The following DAZAP1 variants were observed in gnomAD, a reference collection of about 807,000 sequenced individuals.
DAZAP1 encodes the protein DAZ associated protein 1.
In DAZAP1, 6 loss-of-function variants were observed where a neutral mutation model predicts 60.1. That is an observed-to-expected ratio of 0.10 (90% CI 0.05 to 0.20). The LOEUF (loss-of-function observed/expected upper bound fraction) is 0.20, where lower values mean the gene tolerates loss of function less well. DAZAP1 is among the 10% of genes least tolerant of loss of function. The pLI, the probability that DAZAP1 is intolerant of heterozygous loss-of-function variation, is 1.00. For synonymous variants in DAZAP1, 235 were observed against 215.9 expected, an observed-to-expected ratio of 1.09 and a Z score of -0.78; for missense variants, 366 against 560.4, an observed-to-expected ratio of 0.65 and a Z score of 3.50.
intron 1 of DAZAP1, 146 bp from the exon 2 acceptor site, chr19:1,417,354 T>C (rs1193173770): frequency 7.0e-6 from 6 of 853,872 alleles, no homozygotes; most frequent in South Asian, 5.9e-5. Context: ...TCGCCATTGC[T>C]GTGAGCTTTG....
At chr19:1,430,036 C>T (rs2083404087) in intron 9 of DAZAP1, 40 bp downstream of exon 9, 1 of 1,578,172 alleles carries the variant, frequency 6.3e-7, no homozygotes. Context: ...GGACAGAAGC[C>T]ACATGGCAGG....
chr19:1,411,098 A>G (rs2082817257), intron 1 of DAZAP1, among the ~76,000 whole-genome samples: 1 of 152,198 alleles, frequency 6.6e-6, no homozygotes, highest in African/African-American at 2.4e-5. Flanking sequence ...GCACCTGGCA[A>G]GATTGTTGGT....
At chr19:1,408,211 G>T (rs2082720976) in intron 1 of DAZAP1, among the ~76,000 whole-genome samples, 1 of 152,122 alleles carries the variant, frequency 6.6e-6, no homozygotes, top group Non-Finnish European at 1.5e-5. Context: ...AGGGGCCCCC[G>T]CCGCCGCTTC....
In DAZAP1 at chr19:1,432,391, G is replaced by A. The variant is rs549405958; in HGVS notation, c.872-123G>A. 3.7e-5 allele frequency: 37 copies of A among 1,000,848 alleles called. 1 individual carries two copies. The East Asian group carries it at 6.9e-4, about 19-fold the overall frequency. The allele number at this position is 1,000,848 out of a possible 1,614,324, so 62.0% of individuals were successfully genotyped here. A position where few individuals can be genotyped will look rare whatever the true frequency, so the allele number is the denominator to read the frequency against. Reference sequence around the variant, plus strand: ...CTGTGGATGTCCACAAGGCCTGGGCGTTCTGTGGGTTTGGGTGGCAGTCCC... The same window carrying A: ...CTGTGGATGTCCACAAGGCCTGGGCATTCTGTGGGTTTGGGTGGCAGTCCC... On this transcript the variant is annotated intron_variant, in intron 10 of 11. Transcript: ENST00000233078. This position sits in a 1 kb window ranked among gnomAD's most constrained non-coding sequence, Gnocchi z 4.9.
rs531714893 is a variant in DAZAP1, at chr19:1,434,476, G to A, written c.1049-261G>A. On this transcript the variant is annotated intron_variant, in intron 11 of 11. Coordinates refer to ENST00000233078, the MANE Select transcript of DAZAP1 (RefSeq NM_018959.4). The surrounding 1 kb of genome is among the most constrained non-coding windows in gnomAD (Gnocchi z 8.0). ...CACGTCTTCGGGATTGAACAGGGAAGCGGTGAGGTTACGTGGGCCATGGAG... is the reference window on the plus strand; with the variant it reads ...CACGTCTTCGGGATTGAACAGGGAAACGGTGAGGTTACGTGGGCCATGGAG... 540 of 441,716 alleles carry A rather than the reference G, an allele frequency of 1.2e-3. 1 individual carries two copies. The highest frequency in any genetic ancestry group is 6.8e-3 in the Middle Eastern group (11 of 1,628). 27.4% of individuals were successfully genotyped at this position (441,716 alleles called of 1,614,324 possible).
intron 1 of DAZAP1, chr19:1,415,794 C>G (rs1332283658): frequency 1.3e-5 from 2 of 152,164 alleles, no homozygotes; most frequent in African/African-American, 4.8e-5. Context: ...TTTGCCTTTT[C>G]AGATCTCGTC....
At position 1,430,254 on chromosome 19, in the gene DAZAP1, G is replaced by GGGGCCCC; in HGVS notation, c.763_764insGGGCCCC (p.Ala255GlyfsTer174). On this transcript the variant is annotated frameshift_variant, in exon 10 of 12. Coordinates refer to ENST00000233078, the MANE Select transcript of DAZAP1 (RefSeq NM_018959.4). LOFTEE classifies it high-confidence loss of function. ...TGGACCGCCCCCTGCAGGAAGAGGAGCCCCCCCGCCACCCCCACCGTTCAC... is the reference window on the plus strand; with the variant it reads ...TGGACCGCCCCCTGCAGGAAGAGGAGGGGCCCCCCCCCCCGCCACCCCCACCGTTCAC... 7 of 1,295,256 alleles carry GGGGCCCC rather than the reference G, an allele frequency of 5.4e-6. No homozygotes were observed. Among genetic ancestry groups the GGGGCCCC allele is most frequent in the Non-Finnish European group, 5.4e-6 (5 of 924,064 alleles). 80.2% of individuals were successfully genotyped at this position (1,295,256 alleles called of 1,614,324 possible).
At chr19:1,431,160 ACT>A (rs1165297761) in intron 10 of DAZAP1, among the ~76,000 whole-genome samples, 1 of 150,320 alleles carries the variant, frequency 6.7e-6, no homozygotes, top group Non-Finnish European at 1.5e-5. Context: ...ATGGAGTCTC[ACT>A]CTGTCGCCCA....
At chr19:1,414,473 G>A (rs768289690) in intron 1 of DAZAP1, among the ~76,000 whole-genome samples, 1 of 152,110 alleles carries the variant, frequency 6.6e-6, no homozygotes, top group Non-Finnish European at 1.5e-5. Flanking sequence ...GTGGCCGGGC[G>A]CAGCTACTCA....
chr19:1,411,394 G>A (rs1417214423), intron 1 of DAZAP1, among the ~76,000 whole-genome samples: 1 of 152,232 alleles, frequency 6.6e-6, no homozygotes, highest in East Asian at 1.9e-4. Flanking sequence ...GTCCTGCTGG[G>A]GGGAGAGCCA....
At chr19:1,412,702 G>A (rs921861269) in intron 1 of DAZAP1, among the ~76,000 whole-genome samples, 6 of 152,226 alleles carry the variant, frequency 3.9e-5, no homozygotes, top group African/African-American at 1.2e-4. Flanking sequence ...ACAGGCACCC[G>A]AATGGCACGC....
intron 7 of DAZAP1, chr19:1,427,730 C>A (rs950685617): frequency 1.1e-4 from 16 of 152,256 alleles, no homozygotes; most frequent in Admixed American, 5.9e-4. Flanking sequence ...CTTGAGCTAA[C>A]GGATCCTGTT....
Position 1,415,583 on chromosome 19 carries a change from G to GGGCACAGCCTATGGAGAGTGA in DAZAP1, c.30-1890_30-1870dup, listed in dbSNP as rs537527171. On this transcript the variant is annotated intron_variant, in intron 1 of 11. Transcript: ENST00000233078. ...GGCGGGGCTGGCCCTGACTCAGCGC[G>GGGCACAGCCTATGGAGAGTGA]GGCACAGCCTATGGAGAGTGAGGCA... Among the ~76,000 whole-genome samples, 155 of 151,880 alleles carry GGGCACAGCCTATGGAGAGTGA rather than the reference G, an allele frequency of 1.0e-3. 1 individual carries two copies. Among genetic ancestry groups the GGGCACAGCCTATGGAGAGTGA allele is most frequent in the Admixed American group, 1.8e-3 (28 of 15,270 alleles).
At chr19:1,417,151 G>T in intron 1 of DAZAP1, 1 of 322,086 alleles carries the variant, frequency 3.1e-6, no homozygotes, top group Non-Finnish European at 5.7e-6. Flanking sequence ...ACTCGCAAAA[G>T]CTGTAGGAAA....
At position 1,423,351 on chromosome 19, in the gene DAZAP1, A is replaced by G. The variant is rs540394330; in HGVS notation, c.463+955A>G. Reference sequence around the variant, plus strand: ...ACTTAAGTGTTTCATAGTAAAGTACAGTGATGTTAAGTAAGCTGTTTTTCC... The same window carrying G: ...ACTTAAGTGTTTCATAGTAAAGTACGGTGATGTTAAGTAAGCTGTTTTTCC... On this transcript the variant is annotated intron_variant, in intron 6 of 11. Coordinates refer to ENST00000233078, the MANE Select transcript of DAZAP1 (RefSeq NM_018959.4). The surrounding 1 kb of genome is among the most constrained non-coding windows in gnomAD (Gnocchi z 6.8). Among the ~76,000 whole-genome samples the G allele has an allele frequency of 6.6e-6, 1 of 152,384 alleles. No individual in the cohort carries two copies. Among genetic ancestry groups the G allele is most frequent in the Admixed American group, 6.5e-5 (1 of 15,312 alleles).
Position 1,418,954 on chromosome 19 carries a change from A to T in DAZAP1, c.303+223A>T, listed in dbSNP as rs1484565068. ...CTATCTTAGGGAAAAAAAAAATGAC[A>T]GCTCATGCCACTGATTATCAGGAGC... On this transcript the variant is annotated intron_variant, in intron 4 of 11. Transcript: ENST00000233078. The surrounding 1 kb of genome is among the most constrained non-coding windows in gnomAD (Gnocchi z 5.7). Among the ~76,000 whole-genome samples, 1 of 151,988 alleles carries T rather than the reference A, an allele frequency of 6.6e-6. No individual in the cohort carries two copies. The highest frequency in any genetic ancestry group is 1.9e-4 in the East Asian group (1 of 5,194).
Position 1,428,825 on chromosome 19 carries a change from G to C in DAZAP1, c.547-17G>C. 6.2e-7 allele frequency: 1 copy of C among 1,612,930 alleles called. No individual in the cohort carries two copies. Among genetic ancestry groups the C allele is most frequent in the South Asian group, 1.1e-5 (1 of 91,078 alleles). On this transcript the variant is annotated splice_polypyrimidine_tract_variant and intron_variant, in intron 7 of 11. Coordinates refer to ENST00000233078, the MANE Select transcript of DAZAP1 (RefSeq NM_018959.4). The surrounding 1 kb of genome is among the most constrained non-coding windows in gnomAD (Gnocchi z 4.0). ...GGACCCGCAGCCTCGCCCTAAACCA[G>C]AGCTCGGTTTGTTTAGGTGGAAGTT...
chr19:1,413,775 T>C (rs2082894442), intron 1 of DAZAP1, among the ~76,000 whole-genome samples: 1 of 152,212 alleles, frequency 6.6e-6, no homozygotes, highest in Non-Finnish European at 1.5e-5. Context: ...TGTTGCTGTC[T>C]CAGATTCCAT....
At chr19:1,414,878 C>T (rs1036781611) in intron 1 of DAZAP1, among the ~76,000 whole-genome samples, 8 of 150,784 alleles carry the variant, frequency 5.3e-5, no homozygotes, top group Non-Finnish European at 5.9e-5. Context: ...TGCTGGAGTG[C>T]AGTGACACAA....
Sources: gnomAD v4.1 joint callset for allele counts (sites outside exome capture counted in the v4.1 genomes callset) on GRCh38, gnomAD v4.1.1 for gene constraint, Gnocchi (gnomAD v3.1) non-coding constraint, MANE v1.5 for transcripts, NCBI Gene and HGNC (gene_info 2026-07-23, HGNC 2026-07-21) for gene names.